The following EMX1 variants were observed in gnomAD, a reference collection of about 807,000 sequenced individuals.
The protein encoded by EMX1 is homeobox protein EMX1.
Under a neutral mutation model 20.1 loss-of-function variants are expected in EMX1, and 10 were observed. That is an observed-to-expected ratio of 0.50 (90% CI 0.31 to 0.84). The LOEUF is 0.84. Ranked by LOEUF, EMX1 falls within the 40% of genes least tolerant of loss-of-function variation. EMX1 has a pLI of 0.05. For missense variants in EMX1, 424 were observed against 431.9 expected, an observed-to-expected ratio of 0.98 and a Z score of 0.16; for synonymous variants, 250 against 200.4, an observed-to-expected ratio of 1.25 and a Z score of -2.09.
At chr2:72,923,986 C>T (rs909869181) in intron 1 of EMX1, 2 of 496,606 alleles carry the variant, frequency 4.0e-6, no homozygotes, top group East Asian at 7.2e-5. Flanking sequence ...TTCCGCTGCC[C>T]CAGGCATTGT....
chr2:72,917,662 C>G lies in EMX1; in HGVS notation c.-191C>G. On this transcript the variant is annotated 5_prime_UTR_variant, in exon 1 of 3. Coordinates refer to ENST00000258106, the MANE Select transcript of EMX1 (RefSeq NM_004097.3). ...CTTACTGGCAGCTCGCAGCCTAGCACGGAGCCCGCGCCTGTGCGGGCGCCT... is the reference window on the plus strand; with the variant it reads ...CTTACTGGCAGCTCGCAGCCTAGCAGGGAGCCCGCGCCTGTGCGGGCGCCT... 1 of 322,302 alleles carries G rather than the reference C, an allele frequency of 3.1e-6. No homozygotes were observed. Among genetic ancestry groups the G allele is most frequent in the Non-Finnish European group, 5.1e-6 (1 of 195,766 alleles). The allele number at this position is 322,302 out of a possible 1,614,324, so 20.0% of individuals were successfully genotyped here.
intron 2 of EMX1, chr2:72,925,370 C>T: frequency 1.7e-6 from 2 of 1,212,108 alleles, no homozygotes; most frequent in Admixed American, 6.1e-5. Context: ...GATTTGGGTT[C>T]ATTGTAAGTA....
At chr2:72,933,442 A>G in intron 2 of EMX1, 1 of 271,062 alleles carries the variant, frequency 3.7e-6, no homozygotes, top group African/African-American at 2.2e-5. Context: ...GTAGAGTCCC[A>G]TGTCTGCCGG....
intron 1 of EMX1, 21 bp from the exon 2 acceptor site, chr2:72,924,288 C>T (rs1212792461): frequency 1.3e-6 from 2 of 1,555,502 alleles, no homozygotes; most frequent in South Asian, 1.2e-5. Context: ...GCGTGTGTTG[C>T]CGTCGGCGGC....
intron 2 of EMX1, among the ~76,000 whole-genome samples, chr2:72,931,677 C>T (rs1229254088): frequency 1.3e-5 from 2 of 152,244 alleles, no homozygotes; most frequent in Admixed American, 6.5e-5. Flanking sequence ...CCTCCACGGC[C>T]GGCCTAGGTG....
chr2:72,928,898 G>A (rs1671243778), intron 2 of EMX1, among the ~76,000 whole-genome samples: 1 of 152,122 alleles, frequency 6.6e-6, no homozygotes, highest in South Asian at 2.1e-4. Context: ...AGGTTGGAGG[G>A]AAAGAAGGGC....
Position 72,927,378 on chromosome 2 carries a change from G to A in EMX1, c.705+2885G>A, listed in dbSNP as rs138781627. 5.7e-4 allele frequency among the ~76,000 whole-genome samples: 87 copies of A among 152,266 alleles called. No individual in the cohort carries two copies. The East Asian group carries it at 6.0e-3, about 10-fold the overall frequency. On this transcript the variant is annotated intron_variant, in intron 2 of 2. Transcript: ENST00000258106. ...AGTTTCTGTATCTGTGAGATTGAAT[G>A]ACACAAATTCCAGGGTTTTTTCTAG...
intron 2 of EMX1, among the ~76,000 whole-genome samples, 155 bp downstream of exon 2, chr2:72,924,648 T>G (rs565246377): frequency 1.3e-5 from 2 of 152,324 alleles, no homozygotes; most frequent in South Asian, 4.1e-4. Context: ...AGCCCGTCTT[T>G]AGAGCCTCTT....
chr2:72,928,066 C>T (rs575339724), intron 2 of EMX1, among the ~76,000 whole-genome samples: 3 of 152,310 alleles, frequency 2.0e-5, no homozygotes, highest in Admixed American at 1.3e-4. Context: ...AAGCTTTAGC[C>T]GGGTGCTAGG....
Position 72,917,812 on chromosome 2 carries a change from AGCGGGCGG to A in EMX1, c.-35_-28del. ...GGCTCGCCCGCGGGGGCCGAGCGCG[AGCGGGCGG>A]GCGGGGGAGGTGAGGGGTGCGGGCG... On this transcript the variant is annotated 5_prime_UTR_variant, in exon 1 of 3. Coordinates refer to ENST00000258106, the MANE Select transcript of EMX1 (RefSeq NM_004097.3). 2 of 1,272,170 alleles carry A rather than the reference AGCGGGCGG, an allele frequency of 1.6e-6. No individual in the cohort carries two copies. The highest frequency in any genetic ancestry group is 9.9e-7 in the Non-Finnish European group (1 of 1,012,458). 78.8% of individuals were successfully genotyped at this position (1,272,170 alleles called of 1,614,324 possible).
chr2:72,919,991 G>T (rs921385621), intron 1 of EMX1, among the ~76,000 whole-genome samples: 1 of 152,208 alleles, frequency 6.6e-6, no homozygotes, highest in Non-Finnish European at 1.5e-5. Flanking sequence ...GGGCCGCCGC[G>T]GCCGAGGGGC....
At chr2:72,923,085 G>C (rs1435227794) in intron 1 of EMX1, among the ~76,000 whole-genome samples, 2 of 152,206 alleles carry the variant, frequency 1.3e-5, no homozygotes, top group Non-Finnish European at 2.9e-5. Flanking sequence ...TGAGGGCCTA[G>C]TGGGGTGTTC....
At chr2:72,916,563 C>T, upstream of EMX1, 1 of 614,064 alleles carries the variant, frequency 1.6e-6, no homozygotes, top group East Asian at 2.7e-5. Context: ...AATTCGTCCG[C>T]CGTACGGAAA....
At position 72,933,875 on chromosome 2, in the gene EMX1, G is replaced by T; in HGVS notation, c.794G>T (p.Gly265Val). The T allele has an allele frequency of 2.5e-6, 4 of 1,614,246 alleles. No homozygotes were observed. Among genetic ancestry groups the T allele is most frequent in the Non-Finnish European group, 3.4e-6 (4 of 1,180,030 alleles). ...CCTGAGTCCGAGCAGAAGAAGAAGG[G>T]CTCCCATCACATCAACCGGTGGCGC... ...EGPESEQKKK[G>V]SHHINRWRIA... is the part of the protein sequence containing the mutation. Residue 265 changes from glycine to valine, a missense_variant, in exon 3 of 3, where the codon GGC (glycine) becomes GTC (valine). This residue lies in a region of EMX1 where 91 missense variants were observed against 135.2 expected (regional missense o/e 0.67). Coordinates refer to ENST00000258106, the MANE Select transcript of EMX1 (RefSeq NM_004097.3).
Position 72,934,198 on chromosome 2 carries a change from A to T in EMX1, c.*244A>T. On this transcript the variant is annotated 3_prime_UTR_variant, in exon 3 of 3. Transcript: ENST00000258106. ...GCCTGCCTGGGCGGGCCCGCCCGCC[A>T]CCGCAGCCTCCCAGCTGCTCTCCGT... 2 of 527,270 alleles carry T rather than the reference A, an allele frequency of 3.8e-6. No homozygotes were observed. The highest frequency in any genetic ancestry group is 3.3e-6 in the Non-Finnish European group (1 of 300,262). The allele number at this position is 527,270 out of a possible 1,614,324, so 32.7% of individuals were successfully genotyped here.
At position 72,933,902 on chromosome 2, in the gene EMX1, T is replaced by C. The variant is rs371563753; in HGVS notation, c.821T>C (p.Ile274Thr). Residue 274 changes from isoleucine to threonine, a missense_variant, in exon 3 of 3, where the codon ATT becomes ACT. Ile to Thr is a moderately conservative substitution (Grantham distance 89, BLOSUM62 -1). Coordinates refer to ENST00000258106, the MANE Select transcript of EMX1 (RefSeq NM_004097.3). The part of the protein sequence containing the change: ...KGSHHINRWR[I>T]ATKQANGEDI... The stretch of plus-strand genomic sequence containing the variant: ...TCCCATCACATCAACCGGTGGCGCA[T>C]TGCCACGAAGCAGGCCAATGGGGAG... 12 of 1,614,118 alleles carry C rather than the reference T, an allele frequency of 7.4e-6. No homozygotes were observed. Among genetic ancestry groups the C allele is most frequent in the South Asian group, 2.2e-5 (2 of 91,092 alleles).
intron 1 of EMX1, among the ~76,000 whole-genome samples, chr2:72,919,278 T>C (rs1671058238): frequency 6.6e-6 from 1 of 152,196 alleles, no homozygotes; most frequent in South Asian, 2.1e-4. Flanking sequence ...GTTCGTTTTC[T>C]TCCTTGAAAT....
chr2:72,925,911 G>A (rs2105267498), intron 2 of EMX1: 1 of 985,380 alleles, frequency 1.0e-6, no homozygotes, highest in Non-Finnish European at 1.2e-6. Flanking sequence ...TCTAACTGCA[G>A]GGAAAAAGCT....
intron 2 of EMX1, among the ~76,000 whole-genome samples, chr2:72,926,720 C>T (rs1671206528): frequency 6.6e-6 from 1 of 152,170 alleles, no homozygotes; most frequent in South Asian, 2.1e-4. Context: ...TATTAATCCC[C>T]ATCCCTAGTC....
Sources: gnomAD v4.1 joint callset for allele counts (sites outside exome capture counted in the v4.1 genomes callset) on GRCh38, gnomAD v4.1.1 for gene constraint, gnomAD v4.1.1 regional missense constraint, MANE v1.5 for transcripts, NCBI Gene and HGNC (gene_info 2026-07-23, HGNC 2026-07-21) for gene names.